FAM53B: variants seen among roughly 807,000 people sequenced by gnomAD.
FAM53B encodes family with sequence similarity 53 member B, also known as protein FAM53B.
Under a neutral mutation model 32.7 loss-of-function variants are expected in FAM53B, and 12 were observed. That is an observed-to-expected ratio of 0.37 (90% confidence interval 0.24 to 0.59). The LOEUF is 0.59. Ranked by LOEUF, FAM53B falls within the 20% of genes least tolerant of loss-of-function variation. The probability of loss-of-function intolerance (pLI) is 0.72; values close to 1 mark genes in which losing one functional copy is unlikely to be tolerated. For missense variants in FAM53B, 477 were observed against 577.7 expected (o/e 0.83, Z 1.79); for synonymous variants, 234 against 228.7 (o/e 1.02, Z -0.21).
intron 4 of FAM53B, among the ~76,000 whole-genome samples, chr10:124,656,595 G>A (rs1288293945): frequency 2.6e-5 from 4 of 152,152 alleles, no homozygotes; most frequent in Admixed American, 6.5e-5. Context: ...TGCTTGGTGC[G>A]GCCAGGCCAG....
chr10:124,645,701 C>T (rs998885476), intron 4 of FAM53B, among the ~76,000 whole-genome samples: 6 of 152,168 alleles, frequency 3.9e-5, no homozygotes, highest in African/African-American at 1.4e-4. Flanking sequence ...TGGCCTCATT[C>T]GAGGGGCTCA....
At chr10:124,637,116 G>C (rs1183877519) in intron 4 of FAM53B, among the ~76,000 whole-genome samples, 1 of 152,092 alleles carries the variant, frequency 6.6e-6, no homozygotes, top group African/African-American at 2.4e-5. Context: ...CTGACAAAAT[G>C]CTCCCTGCTC....
At position 124,620,802 on chromosome 10, in the gene FAM53B, C is replaced by T. The variant is rs1370767670; in HGVS notation, c.*2440G>A. The T allele has an allele frequency of 6.6e-6, 1 of 152,484 alleles. No homozygotes were observed. The highest frequency in any genetic ancestry group is 2.1e-4 in the South Asian group (1 of 4,836). The allele number at this position is 152,484 out of a possible 1,614,324, so 9.4% of individuals were successfully genotyped here. On this transcript the variant is annotated 3_prime_UTR_variant, in exon 5 of 5. Coordinates refer to ENST00000337318, the MANE Select transcript of FAM53B (RefSeq NM_014661.4). ...TTCTTTCTCTAAGCAGAAGGGATAG[C>T]CACCATTTTCTCCCCTGACTGCTGC...
chr10:124,692,143 G>A (rs543289867), intron 3 of FAM53B, among the ~76,000 whole-genome samples: 11 of 152,348 alleles, frequency 7.2e-5, no homozygotes, highest in African/African-American at 2.6e-4. Flanking sequence ...AGCCTCCGCT[G>A]GCAGGAGCCC....
At chr10:124,692,177 C>G (rs1359825090) in intron 3 of FAM53B, among the ~76,000 whole-genome samples, 3 of 152,114 alleles carry the variant, frequency 2.0e-5, no homozygotes, top group Non-Finnish European at 4.4e-5. Flanking sequence ...GAGCTGGCAC[C>G]CTAATAAGGG....
chr10:124,670,422 C>A (rs913475980), intron 4 of FAM53B, among the ~76,000 whole-genome samples: 1 of 152,134 alleles, frequency 6.6e-6, no homozygotes, highest in Non-Finnish European at 1.5e-5. Context: ...GCATTCCAAC[C>A]CTGCGCTCCA....
chr10:124,732,036 G>A (rs1300442665), intron 1 of FAM53B, among the ~76,000 whole-genome samples: 1 of 152,156 alleles, frequency 6.6e-6, no homozygotes, highest in Non-Finnish European at 1.5e-5. Flanking sequence ...AGAGGAGAGG[G>A]CAACCTGGGA....
rs1036427307 is a variant in FAM53B at position 124,651,497 on chromosome 10, G to A, written c.907-27893C>T. Among the ~76,000 whole-genome samples, 1 of 152,184 alleles carries A rather than the reference G, an allele frequency of 6.6e-6. No homozygotes were observed. Among genetic ancestry groups the A allele is most frequent in the African/African-American group, 2.4e-5 (1 of 41,456 alleles). On this transcript the variant is annotated intron_variant, in intron 4 of 4. Coordinates refer to ENST00000337318, the MANE Select transcript of FAM53B (RefSeq NM_014661.4). This position sits in a 1 kb window ranked among gnomAD's most constrained non-coding sequence, Gnocchi z 5.2. ...GTGGCCCCTCACTGCTGAACTGCAG[G>A]CACTGTAGCAGGGAGCCCAGCCGCT...
At chr10:124,693,691 C>G (rs999507819) in intron 3 of FAM53B, among the ~76,000 whole-genome samples, 13 of 152,076 alleles carry the variant, frequency 8.5e-5, no homozygotes, top group African/African-American at 3.1e-4. Flanking sequence ...AGTGTGTGGC[C>G]GTCTCCTTAA....
chr10:124,620,777 TTC>T lies in FAM53B; in HGVS notation c.*2463_*2464del, dbSNP rs1302961547. 1.3e-5 allele frequency: 2 copies of T among 152,456 alleles called. No individual in the cohort carries two copies. The highest frequency in any genetic ancestry group is 4.8e-5 in the African/African-American group (2 of 41,452). 9.4% of individuals were successfully genotyped at this position (152,456 alleles called of 1,614,324 possible). A position where few individuals can be genotyped will look rare whatever the true frequency, so the allele number is the denominator to read the frequency against. ...AAACATGAAACCAGCTAAAGGCCAT[TTC>T]TTTCTCTAAGCAGAAGGGATAGCCA... On this transcript the variant is annotated 3_prime_UTR_variant, in exon 5 of 5. Transcript: ENST00000337318.
At chr10:124,644,039 A>G (rs1564865600) in intron 4 of FAM53B, among the ~76,000 whole-genome samples, 1 of 101,182 alleles carries the variant, frequency 9.9e-6, no homozygotes, top group East Asian at 3.1e-4. Context: ...CCTTGCTCCA[A>G]CGAAGATGTG....
intron 1 of FAM53B, among the ~76,000 whole-genome samples, chr10:124,717,049 T>A (rs1950042278): frequency 6.6e-6 from 1 of 151,980 alleles, no homozygotes; most frequent in African/African-American, 2.4e-5. Context: ...AAAAAAAGAT[T>A]TAAAAACAAA....
intron 4 of FAM53B, among the ~76,000 whole-genome samples, chr10:124,672,589 C>G (rs1949712957): frequency 6.6e-6 from 1 of 152,250 alleles, no homozygotes; most frequent in African/African-American, 2.4e-5. Flanking sequence ...AGACAAGATC[C>G]AGCGTGACAA....
chr10:124,626,154 C>T (rs919842206), intron 4 of FAM53B, among the ~76,000 whole-genome samples: 13 of 152,260 alleles, frequency 8.5e-5, no homozygotes, highest in Admixed American at 3.9e-4. Flanking sequence ...GGGCCTGGGG[C>T]GTGGCCTGCT....
At chr10:124,736,918 A>T (rs1950176788) in intron 1 of FAM53B, among the ~76,000 whole-genome samples, 1 of 152,222 alleles carries the variant, frequency 6.6e-6, no homozygotes, top group African/African-American at 2.4e-5. Flanking sequence ...TTACAGCAGG[A>T]ACTCTCCTCC....
At chr10:124,659,612 G>A (rs975096088) in intron 4 of FAM53B, among the ~76,000 whole-genome samples, 2 of 152,228 alleles carry the variant, frequency 1.3e-5, no homozygotes, top group African/African-American at 4.8e-5. Flanking sequence ...ACCACAGCCA[G>A]CTGAGGCTTT....
chr10:124,692,192 T>C lies in FAM53B; in HGVS notation c.133+3966A>G, dbSNP rs561556627. ...GAGCTGGCACCCTAATAAGGGGCACTGAGCCCTGGTGCAGGGCTGGCTGGG... is the reference window on the plus strand; with the variant it reads ...GAGCTGGCACCCTAATAAGGGGCACCGAGCCCTGGTGCAGGGCTGGCTGGG... On this transcript the variant is annotated intron_variant, in intron 3 of 4. Transcript: ENST00000337318. 2.3e-3 allele frequency among the ~76,000 whole-genome samples: 357 copies of C among 152,270 alleles called. 3 individuals are homozygous for C. The highest frequency in any genetic ancestry group is 8.3e-3 in the African/African-American group (345 of 41,556).
At chr10:124,666,228 C>T (rs951943577) in intron 4 of FAM53B, among the ~76,000 whole-genome samples, 2 of 152,218 alleles carry the variant, frequency 1.3e-5, no homozygotes, top group Non-Finnish European at 2.9e-5. Flanking sequence ...GCCACAAATG[C>T]AATTTTCCAG....
chr10:124,628,200 G>A (rs1949368115), intron 4 of FAM53B, among the ~76,000 whole-genome samples: 1 of 152,202 alleles, frequency 6.6e-6, no homozygotes, highest in African/African-American at 2.4e-5. Context: ...CGAAGGGCAA[G>A]GCCTGGGGAG....
Sources: gnomAD v4.1 joint callset for allele counts (sites outside exome capture counted in the v4.1 genomes callset) on GRCh38, gnomAD v4.1.1 for gene constraint, Gnocchi (gnomAD v3.1) non-coding constraint, MANE v1.5 for transcripts, NCBI Gene and HGNC (gene_info 2026-07-23, HGNC 2026-07-21) for gene names.